The following PACRG variants were observed in gnomAD, a reference collection of about 807,000 sequenced individuals.
PACRG encodes the protein parkin coregulated.
A neutral mutation model predicts 29.7 loss-of-function variants in PACRG; 29 were observed. The ratio of observed to expected loss-of-function variants is 0.98; its 90% CI spans 0.73 to 1.33. PACRG has a LOEUF of 1.33. Among genes scored for constraint, PACRG ranks in the 40% most tolerant of loss-of-function variants. The pLI is 0.00. For synonymous variants in PACRG, 116 were observed against 118.7 expected, an observed-to-expected ratio of 0.98 and a Z score of 0.15; for missense variants, 279 against 316.2, an observed-to-expected ratio of 0.88 and a Z score of 0.89.
At chr6:163,209,133 G>T (rs1361081677) in intron 4 of PACRG, among the ~76,000 whole-genome samples, 3 of 152,194 alleles carry the variant, frequency 2.0e-5, no homozygotes, top group African/African-American at 4.8e-5. Flanking sequence ...TTGACTAGAA[G>T]TTGAGTGCAT....
chr6:163,246,575 C>T (rs1259144017), intron 4 of PACRG, among the ~76,000 whole-genome samples: 2 of 152,170 alleles, frequency 1.3e-5, no homozygotes, highest in Non-Finnish European at 2.9e-5. Flanking sequence ...ACTAGAGAGG[C>T]AGCATGTGAG....
Position 163,055,328 on chromosome 6 carries a change from GTGCACACACACA to G in PACRG, c.292-6809_292-6798del, listed in dbSNP as rs59307254. Among the ~76,000 whole-genome samples, 24,111 of 151,630 alleles carry G rather than the reference GTGCACACACACA, an allele frequency of 0.16. 2,063 individuals carry two copies. The highest frequency in any genetic ancestry group is 0.27 in the East Asian group (1,374 of 5,128). On this transcript the variant is annotated intron_variant, in intron 2 of 4. Transcript: ENST00000366888. The surrounding 1 kb of genome is among the most constrained non-coding windows in gnomAD (Gnocchi z 4.0). ...CACACACATGCACACATATCCAGGT[GTGCACACACACA>G]TGCACACACACACGCACACACACGC...
chr6:162,795,774 C>T (rs548866790), intron 1 of PACRG, among the ~76,000 whole-genome samples: 1 of 152,254 alleles, frequency 6.6e-6, no homozygotes, highest in South Asian at 2.1e-4. Context: ...TACTTTAAAT[C>T]ATATTTCAAA....
At chr6:162,754,151 T>C (rs1004524168) in intron 1 of PACRG, among the ~76,000 whole-genome samples, 1 of 152,206 alleles carries the variant, frequency 6.6e-6, no homozygotes, top group African/African-American at 2.4e-5. Flanking sequence ...AGAATTTGCT[T>C]TCTTTCATTT....
At position 163,155,774 on chromosome 6, in the gene PACRG, C is replaced by T. The variant is rs553469203; in HGVS notation, c.613+66366C>T. 7.2e-5 allele frequency among the ~76,000 whole-genome samples: 11 copies of T among 152,362 alleles called. No homozygotes were observed. The East Asian group carries it at 1.5e-3, about 21-fold the overall frequency. On this transcript the variant is annotated intron_variant, in intron 4 of 4. Transcript: ENST00000366888. The stretch of plus-strand genomic sequence containing the variant: ...TAGCTGAGTCTCTATCCTGTCCCAA[C>T]CCCACTCCGACTGCAGGTAAGATTC...
chr6:162,979,393 G>A (rs929549660), intron 2 of PACRG, among the ~76,000 whole-genome samples: 15 of 152,026 alleles, frequency 9.9e-5, no homozygotes, highest in Non-Finnish European at 1.8e-4. Context: ...CTTGCACTGC[G>A]TTGAGTTCAT....
intron 1 of PACRG, among the ~76,000 whole-genome samples, chr6:162,811,323 G>A (rs1786847003): frequency 6.6e-6 from 1 of 152,106 alleles, no homozygotes; most frequent in Non-Finnish European, 1.5e-5. Context: ...AGACCCTCCA[G>A]ACATCAGAAG....
intron 4 of PACRG, among the ~76,000 whole-genome samples, chr6:163,301,581 G>T (rs1785004575): frequency 6.6e-6 from 1 of 152,138 alleles, no homozygotes; most frequent in African/African-American, 2.4e-5. Context: ...GGATGAAGCA[G>T]TTGCTCTTTA....
chr6:162,783,791 T>C (rs1018391938), intron 1 of PACRG, among the ~76,000 whole-genome samples: 5 of 152,066 alleles, frequency 3.3e-5, no homozygotes, highest in African/African-American at 2.4e-5. Flanking sequence ...TCTAAAAGTA[T>C]TGTACTTGAT....
chr6:162,816,828 C>T (rs1343163237), intron 2 of PACRG, among the ~76,000 whole-genome samples: 3 of 152,082 alleles, frequency 2.0e-5, no homozygotes, highest in Admixed American at 6.5e-5. Context: ...GCGATCCGTC[C>T]CCCACAAAAA....
chr6:163,144,369 C>CACT lies in PACRG; in HGVS notation c.613+54962_613+54963insCTA, dbSNP rs1554372289. Among the ~76,000 whole-genome samples, 225 of 150,338 alleles carry CACT rather than the reference C, an allele frequency of 1.5e-3. 1 individual carries two copies. Among genetic ancestry groups the CACT allele is most frequent in the African/African-American group, 4.5e-3 (181 of 40,532 alleles). The stretch of plus-strand genomic sequence containing the variant: ...ACATACACACACACACACACACACA[C>CACT]AGTTATATTACTGCAACAACGTGGG... On this transcript the variant is annotated intron_variant, in intron 4 of 4. Coordinates refer to ENST00000366888, the MANE Select transcript of PACRG (RefSeq NM_001080379.2).
chr6:163,195,479 C>T (rs989425531), intron 4 of PACRG, among the ~76,000 whole-genome samples: 5 of 152,130 alleles, frequency 3.3e-5, no homozygotes, highest in Non-Finnish European at 5.9e-5. Context: ...TGTTGGAGGC[C>T]TCTTCCCTTT....
intron 3 of PACRG, among the ~76,000 whole-genome samples, chr6:163,078,851 A>C (rs1411604224): frequency 6.6e-6 from 1 of 152,198 alleles, no homozygotes; most frequent in African/African-American, 2.4e-5. Flanking sequence ...CACAGGACAC[A>C]GCAGGTGTCT....
chr6:162,761,171 C>T (rs1312816811), intron 1 of PACRG, among the ~76,000 whole-genome samples: 3 of 152,118 alleles, frequency 2.0e-5, no homozygotes, highest in Admixed American at 1.3e-4. Context: ...CCCCTAGAAA[C>T]TCAGATTCCT....
intron 2 of PACRG, among the ~76,000 whole-genome samples, chr6:162,848,129 G>A (rs1219625541): frequency 6.6e-6 from 1 of 152,148 alleles, no homozygotes; most frequent in Non-Finnish European, 1.5e-5. Context: ...GCCCAGGAGA[G>A]GACAGAACGC....
At position 162,779,977 on chromosome 6, in the gene PACRG, A is replaced by G. The variant is rs376329137; in HGVS notation, c.157-34170A>G. On this transcript the variant is annotated intron_variant, in intron 1 of 4. Transcript: ENST00000366888. Reference sequence around the variant, plus strand: ...GAAGCCTAGCTGTCTCCTTGAGTTCAGAAGATGAAGCTTAGAATTCAAGGA... The same window carrying G: ...GAAGCCTAGCTGTCTCCTTGAGTTCGGAAGATGAAGCTTAGAATTCAAGGA... Among the ~76,000 whole-genome samples the G allele has an allele frequency of 6.7e-4, 102 of 152,344 alleles. No homozygotes were observed. In the East Asian group the frequency reaches 0.01, roughly 15 times the overall value.
At chr6:163,140,039 C>T (rs1233436626) in intron 4 of PACRG, among the ~76,000 whole-genome samples, 3 of 152,188 alleles carry the variant, frequency 2.0e-5, no homozygotes, top group Non-Finnish European at 4.4e-5. Flanking sequence ...CCAGTCAACC[C>T]AGCCCAGGCT....
At chr6:163,314,790 G>A in intron 4 of PACRG, 37 bp from the exon 5 acceptor site, 1 of 1,604,050 alleles carries the variant, frequency 6.2e-7, no homozygotes, top group Non-Finnish European at 8.5e-7. Context: ...AAATTGCAGA[G>A]AAGTAACTGG....
chr6:163,025,782 T>C (rs1277106732), intron 2 of PACRG, among the ~76,000 whole-genome samples: 1 of 152,244 alleles, frequency 6.6e-6, no homozygotes, highest in Non-Finnish European at 1.5e-5. Context: ...CCACGCAGCC[T>C]CAGAGCTGAG....
Sources: allele counts gnomAD v4.1 joint callset (sites outside exome capture counted in the v4.1 genomes callset), GRCh38; gene constraint gnomAD v4.1.1; non-coding constraint Gnocchi (gnomAD v3.1); transcripts MANE v1.5; gene names NCBI Gene and HGNC (gene_info 2026-07-23, HGNC 2026-07-21).